Variants in SPINT2 observed in about 807,000 individuals in gnomAD.
The protein encoded by SPINT2 is serine peptidase inhibitor, Kunitz type 2, also known as kunitz-type protease inhibitor 2.
SPINT2 carries 18 observed loss-of-function variants against 30.1 expected under a neutral mutation model. The observed-to-expected ratio is 0.60, with a 90% CI of 0.41 to 0.89. The LOEUF is 0.89. Ranked by LOEUF, SPINT2 falls within the 40% of genes least tolerant of loss-of-function variation. The pLI, the probability that SPINT2 is intolerant of heterozygous loss-of-function variation, is 0.00. For synonymous variants in SPINT2, 139 were observed against 137.9 expected, an observed-to-expected ratio of 1.01 and a Z score of -0.05; for missense variants, 276 against 334.3, an observed-to-expected ratio of 0.83 and a Z score of 1.36.
intron 3 of SPINT2, chr19:38,288,580 G>C (rs533974896): frequency 5.0e-6 from 1 of 198,984 alleles, no homozygotes; most frequent in Non-Finnish European, 1.0e-5. Flanking sequence ...TGCTGTGGAG[G>C]GGGTACTGCA....
rs201542510 is a variant in SPINT2, at chr19:38,290,273, C to T, written c.546C>T (p.Arg182=). The change falls in exon 5 of 7, where the codon CGC becomes CGT. Residue 182 remains arginine, a synonymous_variant. Coordinates refer to ENST00000301244, the MANE Select transcript of SPINT2 (RefSeq NM_021102.4). This position sits in a 1 kb window ranked among gnomAD's most constrained non-coding sequence, Gnocchi z 4.3. The stretch of plus-strand genomic sequence containing the variant: ...GCTCTGAGGAGGCCTGCATGCTCCG[C>T]TGCTTCCGTAAGTCTGCAGCCCCTC... ...SYRSEEACML[R]CFRQQENPPL... is the part of the protein sequence containing the mutation. The T allele has an allele frequency of 3.1e-5, 50 of 1,611,770 alleles. No homozygotes were observed. The South Asian group carries it at 4.0e-4, about 13-fold the overall frequency.
intron 4 of SPINT2, chr19:38,289,439 T>G: frequency 3.1e-6 from 1 of 326,094 alleles, no homozygotes; most frequent in South Asian, 2.4e-5. Flanking sequence ...GAGCCAAGAT[T>G]GCGCCACTGC....
intron 1 of SPINT2, among the ~76,000 whole-genome samples, chr19:38,266,455 C>G (rs1968379947): frequency 6.6e-6 from 1 of 151,914 alleles, no homozygotes; most frequent in South Asian, 2.1e-4. Context: ...GCGGGCAGAT[C>G]ACTGGAGGCC....
chr19:38,287,622 C>T (rs1175418553), intron 2 of SPINT2, among the ~76,000 whole-genome samples: 1 of 152,198 alleles, frequency 6.6e-6, no homozygotes, highest in Non-Finnish European at 1.5e-5. Flanking sequence ...CCACCACACC[C>T]GGCCAAGTCA....
chr19:38,285,718 A>G (rs2146276325), intron 2 of SPINT2, among the ~76,000 whole-genome samples: 1 of 152,050 alleles, frequency 6.6e-6, no homozygotes, highest in African/African-American at 2.4e-5. Flanking sequence ...TTTCAGCGGC[A>G]CTCCCCCTAA....
intron 1 of SPINT2, among the ~76,000 whole-genome samples, chr19:38,270,877 G>T (rs1035858386): frequency 6.6e-6 from 1 of 152,214 alleles, no homozygotes; most frequent in African/African-American, 2.4e-5. Context: ...AGAGAGCCCA[G>T]CAGGAGTCAC....
At chr19:38,289,896 G>A in intron 4 of SPINT2, 1 of 606,836 alleles carries the variant, frequency 1.6e-6, no homozygotes, top group East Asian at 2.9e-5. Flanking sequence ...CTAGAACAGG[G>A]CTTGGCAGAG....
At chr19:38,283,905 G>A (rs567659454) in intron 2 of SPINT2, 108 bp downstream of exon 2, 21 of 1,318,828 alleles carry the variant, frequency 1.6e-5, no homozygotes, top group Non-Finnish European at 2.0e-5. Flanking sequence ...GCAGTGGCGC[G>A]ATCTTGGCTC....
chr19:38,269,695 C>G (rs1222803294), intron 1 of SPINT2, among the ~76,000 whole-genome samples: 3 of 150,868 alleles, frequency 2.0e-5, no homozygotes, highest in Non-Finnish European at 4.4e-5. Flanking sequence ...ACTGCAAGCT[C>G]CGCCTCCTGG....
In SPINT2 at chr19:38,292,034, AG is replaced by A. The variant is rs750294288; in HGVS notation, c.*31del. On this transcript the variant is annotated 3_prime_UTR_variant, in exon 7 of 7. Coordinates refer to ENST00000301244, the MANE Select transcript of SPINT2 (RefSeq NM_021102.4). The stretch of plus-strand genomic sequence containing the variant: ...GCCCTGTCGCCAAGAGGACTGGGGA[AG>A]GGAGGGGAGACTATGTGTGAGCTTT... The A allele has an allele frequency of 6.2e-7, 1 of 1,613,084 alleles. No individual in the cohort carries two copies. Among genetic ancestry groups the A allele is most frequent in the Admixed American group, 1.7e-5 (1 of 59,862 alleles).
chr19:38,280,953 C>T (rs956839042), intron 1 of SPINT2, among the ~76,000 whole-genome samples: 2 of 152,188 alleles, frequency 1.3e-5, no homozygotes, highest in Admixed American at 6.5e-5. Flanking sequence ...GAGGGGCTGC[C>T]AGGGCTCACT....
intron 1 of SPINT2, among the ~76,000 whole-genome samples, chr19:38,267,036 G>A (rs181931753): frequency 2.2e-4 from 34 of 152,312 alleles, no homozygotes; most frequent in Middle Eastern, 3.4e-3. Flanking sequence ...AGCCGGGTGC[G>A]GTGGTGAAGT....
At chr19:38,267,035 C>T (rs955747558) in intron 1 of SPINT2, among the ~76,000 whole-genome samples, 3 of 152,076 alleles carry the variant, frequency 2.0e-5, no homozygotes, top group Non-Finnish European at 2.9e-5. Context: ...CAGCCGGGTG[C>T]GGTGGTGAAG....
intron 1 of SPINT2, among the ~76,000 whole-genome samples, chr19:38,282,217 A>G (rs894529423): frequency 1.1e-4 from 17 of 152,252 alleles, no homozygotes; most frequent in African/African-American, 3.9e-4. Context: ...AACAGAAGAT[A>G]TATCCCTAGT....
chr19:38,291,260 G>T, intron 6 of SPINT2: 1 of 164,420 alleles, frequency 6.1e-6, no homozygotes, highest in Admixed American at 5.6e-5. Context: ...CTCCTTAGCC[G>T]GATCCCCTCC....
Position 38,290,739 on chromosome 19 carries a change from C to A in SPINT2, c.592+164C>A. 1 of 1,004,446 alleles carries A rather than the reference C, an allele frequency of 1.0e-6. No individual in the cohort carries two copies. The highest frequency in any genetic ancestry group is 2.0e-5 in the Admixed American group (1 of 49,632). 62.2% of individuals were successfully genotyped at this position (1,004,446 alleles called of 1,614,324 possible). A position where few individuals can be genotyped will look rare whatever the true frequency, so the allele number is the denominator to read the frequency against. ...AATGGCGAGGTGGTGGTTTGTCCCA[C>A]CGTTCAGTGTACACAGTTGGGGCTG... On this transcript the variant is annotated intron_variant, in intron 6 of 6. Coordinates refer to ENST00000301244, the MANE Select transcript of SPINT2 (RefSeq NM_021102.4). This position sits in a 1 kb window ranked among gnomAD's most constrained non-coding sequence, Gnocchi z 4.3.
intron 1 of SPINT2, among the ~76,000 whole-genome samples, chr19:38,273,587 G>A (rs1256514477): frequency 6.6e-6 from 1 of 152,142 alleles, no homozygotes; most frequent in African/African-American, 2.4e-5. Context: ...AAGCATGGAG[G>A]GTTTGTGTTG....
intron 4 of SPINT2, chr19:38,289,484 CAAAAAAAAAAAAAAA>C (rs58140440): frequency 5.0e-4 from 18 of 36,094 alleles, no homozygotes; most frequent in South Asian, 3.9e-3. Context: ...GACTCTGTCT[CAAAAAAAAAAAAAAA>C]AAAAAAAAAA....
rs542846161 is a variant in SPINT2, at chr19:38,290,709, G to A, written c.592+134G>A. ...TCTTGGCAGAAAGTCATGTTTCTGC[G>A]TGAGAATGGCGAGGTGGTGGTTTGT... On this transcript the variant is annotated intron_variant, in intron 6 of 6. Transcript: ENST00000301244. This position sits in a 1 kb window ranked among gnomAD's most constrained non-coding sequence, Gnocchi z 4.3. 3.4e-5 allele frequency: 42 copies of A among 1,243,212 alleles called. No homozygotes were observed. The highest frequency in any genetic ancestry group is 1.3e-4 in the South Asian group (10 of 77,858). The allele number at this position is 1,243,212 out of a possible 1,614,324, so 77.0% of individuals were successfully genotyped here. A position where few individuals can be genotyped will look rare whatever the true frequency, so the allele number is the denominator to read the frequency against.
Sources: allele counts gnomAD v4.1 joint callset (sites outside exome capture counted in the v4.1 genomes callset), GRCh38; gene constraint gnomAD v4.1.1; non-coding constraint Gnocchi (gnomAD v3.1); transcripts MANE v1.5; gene names NCBI Gene and HGNC (gene_info 2026-07-23, HGNC 2026-07-21).